SYT16: variants seen among roughly 807,000 people sequenced by gnomAD.
SYT16 encodes synaptotagmin-16.
Under a neutral mutation model 61.4 loss-of-function variants are expected in SYT16, and 42 were observed. The observed-to-expected ratio is 0.68, with a 90% confidence interval of 0.53 to 0.89. SYT16 has a LOEUF of 0.89. Among genes scored for constraint, SYT16 ranks in the 40% least tolerant of loss-of-function variants. The pLI, the probability that SYT16 is intolerant of heterozygous loss-of-function variation, is 0.00. For synonymous variants in SYT16, 314 were observed against 302.3 expected, an observed-to-expected ratio of 1.04 and a Z score of -0.40; for missense variants, 804 against 807.3, an observed-to-expected ratio of 1.00 and a Z score of 0.05.
At chr14:61,821,153 C>T (rs752862702) in intron 1 of SYT16, among the ~76,000 whole-genome samples, 2 of 137,006 alleles carry the variant, frequency 1.5e-5, no homozygotes, top group African/African-American at 5.0e-5. Context: ...CAGCCCTCCC[C>T]TTCTTCTCCA....
chr14:61,982,063 G>GGT (rs1166291378), intron 2 of SYT16, among the ~76,000 whole-genome samples: 1 of 151,840 alleles, frequency 6.6e-6, no homozygotes, highest in Non-Finnish European at 1.5e-5. Flanking sequence ...GTAACATATG[G>GGT]ATATATATAT....
chr14:61,935,655 T>C (rs1379082096), intron 1 of SYT16, among the ~76,000 whole-genome samples: 1 of 152,208 alleles, frequency 6.6e-6, no homozygotes, highest in Non-Finnish European at 1.5e-5. Context: ...AGAGTTTCTC[T>C]GGGAAAGTGT....
At chr14:62,028,996 G>GA (rs2054206434) in intron 3 of SYT16, among the ~76,000 whole-genome samples, 1 of 152,192 alleles carries the variant, frequency 6.6e-6, no homozygotes. Flanking sequence ...TCTTAATACT[G>GA]AAAGTAGCTA....
At position 62,104,879 on chromosome 14, in the gene SYT16, A is replaced by G. The variant is rs1464505570; in HGVS notation, c.*4172A>G. The G allele has an allele frequency of 2.0e-5, 3 of 152,222 alleles. No individual in the cohort carries two copies. The highest frequency in any genetic ancestry group is 4.4e-5 in the Non-Finnish European group (3 of 68,028). 9.4% of individuals were successfully genotyped at this position (152,222 alleles called of 1,614,324 possible). A position where few individuals can be genotyped will look rare whatever the true frequency, so the allele number is the denominator to read the frequency against. On this transcript the variant is annotated 3_prime_UTR_variant, in exon 8 of 8. Coordinates refer to ENST00000683842, the MANE Select transcript of SYT16 (RefSeq NM_001367656.1). ...GTGAAATCACAGATGTAATGTGCCTAGCATAGAGCCGGGCATGTAGTTAGC... is the reference window on the plus strand; with the variant it reads ...GTGAAATCACAGATGTAATGTGCCTGGCATAGAGCCGGGCATGTAGTTAGC...
Position 61,939,326 on chromosome 14 carries a change from C to T in SYT16, c.-324-30806C>T, listed in dbSNP as rs1413872832. 2.0e-5 allele frequency among the ~76,000 whole-genome samples: 3 copies of T among 152,186 alleles called. No individual in the cohort carries two copies. The East Asian group carries it at 5.8e-4, about 29-fold the overall frequency. ...GGAAGCACATGGTTGTTCAGTGAGA[C>T]AGCTAGCAAATAATCCTCCTGTGCA... On this transcript the variant is annotated intron_variant, in intron 1 of 7. Coordinates refer to ENST00000683842, the MANE Select transcript of SYT16 (RefSeq NM_001367656.1).
intron 1 of SYT16, among the ~76,000 whole-genome samples, chr14:61,938,006 G>C (rs1476597544): frequency 1.3e-5 from 1 of 76,848 alleles, no homozygotes; most frequent in Non-Finnish European, 2.8e-5. Context: ...CTCTTCTGTT[G>C]CCCCAACCTC....
chr14:61,945,046 A>G (rs2050367342), intron 1 of SYT16, among the ~76,000 whole-genome samples: 1 of 152,098 alleles, frequency 6.6e-6, no homozygotes. Flanking sequence ...TACAAGAAAA[A>G]AAACAACCCC....
chr14:62,091,541 AT>A (rs1171598149), intron 7 of SYT16, among the ~76,000 whole-genome samples: 1 of 152,190 alleles, frequency 6.6e-6, no homozygotes, highest in African/African-American at 2.4e-5. Flanking sequence ...TTACATAAAT[AT>A]GGGAATGGGA....
chr14:61,812,586 G>T (rs948338626), upstream of SYT16: 32 of 150,232 alleles, frequency 2.1e-4, no homozygotes, highest in African/African-American at 7.1e-4. Context: ...GGGAGGCTGG[G>T]CTCTCAGGAC....
At chr14:62,081,411 A>G in intron 6 of SYT16, 137 bp downstream of exon 6, 1 of 960,026 alleles carries the variant, frequency 1.0e-6, no homozygotes, top group Admixed American at 2.7e-5. Context: ...TCACCCTTGT[A>G]AGCCATGATT....
At position 62,109,570 on chromosome 14, in the gene SYT16, T is replaced by G. The variant is rs1019107439; in HGVS notation, c.*8863T>G. ...ATATGATATTGAGCTTGTTTTACATTGGGGGAGGAGATTTATGAAAAAATA... is the reference window on the plus strand; with the variant it reads ...ATATGATATTGAGCTTGTTTTACATGGGGGGAGGAGATTTATGAAAAAATA... On this transcript the variant is annotated 3_prime_UTR_variant, in exon 8 of 8. Coordinates refer to ENST00000683842, the MANE Select transcript of SYT16 (RefSeq NM_001367656.1). 3 of 152,094 alleles carry G rather than the reference T, an allele frequency of 2.0e-5. No individual in the cohort carries two copies. Among genetic ancestry groups the G allele is most frequent in the Non-Finnish European group, 1.5e-5 (1 of 68,010 alleles). The allele number at this position is 152,094 out of a possible 1,614,324, so 9.4% of individuals were successfully genotyped here.
At chr14:62,059,784 AC>A (rs2055743279) in intron 3 of SYT16, among the ~76,000 whole-genome samples, 1 of 150,692 alleles carries the variant, frequency 6.6e-6, no homozygotes, top group Non-Finnish European at 1.5e-5. Context: ...ACATACACAC[AC>A]ACACACACAC....
intron 1 of SYT16, among the ~76,000 whole-genome samples, chr14:61,922,068 G>A (rs2049352889): frequency 6.6e-6 from 1 of 152,124 alleles, no homozygotes; most frequent in African/African-American, 2.4e-5. Flanking sequence ...AGCACACTTA[G>A]GGCTCAACTT....
intron 3 of SYT16, among the ~76,000 whole-genome samples, chr14:62,000,817 A>C (rs1407076079): frequency 6.6e-6 from 1 of 152,094 alleles, no homozygotes; most frequent in Non-Finnish European, 1.5e-5. Context: ...GCAACAGTAT[A>C]CTCAATTCTT....
chr14:61,852,335 TTTGAAG>T (rs1408649438), intron 1 of SYT16, among the ~76,000 whole-genome samples: 1 of 152,192 alleles, frequency 6.6e-6, no homozygotes, highest in African/African-American at 2.4e-5. Context: ...TGTAGGATAG[TTTGAAG>T]TTGAGTAGCG....
chr14:62,011,904 C>CACACACACACAT (rs755955809), intron 3 of SYT16, among the ~76,000 whole-genome samples: 6 of 90,172 alleles, frequency 6.7e-5, no homozygotes, highest in African/African-American at 2.3e-4. Flanking sequence ...CACACACACA[C>CACACACACACAT]ATATATATAC....
In SYT16 at chr14:61,928,833, A is replaced by G. The variant is rs149903861; in HGVS notation, c.-324-41299A>G. 4.0e-3 allele frequency among the ~76,000 whole-genome samples: 611 copies of G among 152,316 alleles called. 7 individuals carry two copies. The highest frequency in any genetic ancestry group is 0.014 in the African/African-American group (585 of 41,586). ...CACAGCTTGTTCTCAGGAACACGAT[A>G]ATGAGGATAAGTACATAAATATGGA... On this transcript the variant is annotated intron_variant, in intron 1 of 7. Coordinates refer to ENST00000683842, the MANE Select transcript of SYT16 (RefSeq NM_001367656.1).
chr14:61,890,604 T>C (rs546998586), intron 1 of SYT16, among the ~76,000 whole-genome samples: 1 of 152,356 alleles, frequency 6.6e-6, no homozygotes, highest in African/African-American at 2.4e-5. Context: ...AGTATCTTTT[T>C]ATATGCATCT....
chr14:62,068,629 G>A (rs1256676642), intron 3 of SYT16, among the ~76,000 whole-genome samples: 1 of 152,094 alleles, frequency 6.6e-6, no homozygotes, highest in African/African-American at 2.4e-5. Flanking sequence ...CTTCACTCTA[G>A]GAACCATTTT....
Sources: allele counts gnomAD v4.1 joint callset (sites outside exome capture counted in the v4.1 genomes callset), GRCh38; gene constraint gnomAD v4.1.1; transcripts MANE v1.5; gene names NCBI Gene and HGNC (gene_info 2026-07-23, HGNC 2026-07-21).